B3GALT1: variants seen among roughly 807,000 people sequenced by gnomAD.
The protein encoded by B3GALT1 is UDP-Gal:betaGlcNAc beta 1,3-galactosyltransferase, polypeptide 1.
In B3GALT1, 10 loss-of-function variants were observed where a neutral mutation model predicts 23.2. The observed-to-expected ratio is 0.43, with a 90% CI of 0.27 to 0.73. The LOEUF (loss-of-function observed/expected upper bound fraction) is 0.73. Ranked by LOEUF, B3GALT1 falls within the 30% of genes least tolerant of loss-of-function variation. B3GALT1 has a pLI of 0.21. For missense variants in B3GALT1, 299 were observed against 405.4 expected (o/e 0.74, Z 2.25); for synonymous variants, 156 against 141.5 (o/e 1.10, Z -0.73).
chr2:167,375,790 G>C (rs1697753600), intron 1 of B3GALT1, among the ~76,000 whole-genome samples: 1 of 152,058 alleles, frequency 6.6e-6, no homozygotes, highest in Non-Finnish European at 1.5e-5. Context: ...AGCAAAGAGA[G>C]ATCAGTTGTC....
At chr2:167,656,992 A>G (rs1685966054) in intron 3 of B3GALT1, among the ~76,000 whole-genome samples, 1 of 152,152 alleles carries the variant, frequency 6.6e-6, no homozygotes, top group South Asian at 2.1e-4. Flanking sequence ...GAGAGAAATC[A>G]GGAAAGAGGC....
At chr2:167,399,106 A>G (rs1406005311) in intron 1 of B3GALT1, among the ~76,000 whole-genome samples, 1 of 152,170 alleles carries the variant, frequency 6.6e-6, no homozygotes, top group South Asian at 2.1e-4. Flanking sequence ...CATTTAATTG[A>G]GATGCCTTGG....
At chr2:167,423,021 T>C (rs1245573608) in intron 1 of B3GALT1, among the ~76,000 whole-genome samples, 1 of 152,154 alleles carries the variant, frequency 6.6e-6, no homozygotes, top group Non-Finnish European at 1.5e-5. Context: ...CAAAGGAATA[T>C]GAAAATTCCT....
chr2:167,405,789 G>C (rs1698264646), intron 1 of B3GALT1, among the ~76,000 whole-genome samples: 1 of 151,970 alleles, frequency 6.6e-6, no homozygotes. Flanking sequence ...GATTTAAATT[G>C]AATTTCCCCG....
At chr2:167,325,680 T>C (rs1468848475) in intron 1 of B3GALT1, among the ~76,000 whole-genome samples, 1 of 150,810 alleles carries the variant, frequency 6.6e-6, no homozygotes, top group Non-Finnish European at 1.5e-5. Flanking sequence ...TTTAGTTTTT[T>C]GAGAAATCTC....
chr2:167,486,357 C>CAAA (rs56092916), intron 1 of B3GALT1, among the ~76,000 whole-genome samples: 37 of 113,426 alleles, frequency 3.3e-4, no homozygotes, highest in South Asian at 1.6e-3. Context: ...GACTCTGTCT[C>CAAA]AAAAAAAAAA....
At chr2:167,560,306 C>T (rs550319216) in intron 2 of B3GALT1, among the ~76,000 whole-genome samples, 2 of 152,122 alleles carry the variant, frequency 1.3e-5, no homozygotes, top group South Asian at 2.1e-4. Context: ...CTAAAGGAAG[C>T]ACTAAACATG....
chr2:167,775,680 A>G (rs1688149827), intron 3 of B3GALT1, among the ~76,000 whole-genome samples: 2 of 133,526 alleles, frequency 1.5e-5, no homozygotes, highest in Non-Finnish European at 3.2e-5. Context: ...TTTTGAAAGT[A>G]TACACACACA....
chr2:167,727,881 A>G (rs1241855170), intron 3 of B3GALT1, among the ~76,000 whole-genome samples: 2 of 152,188 alleles, frequency 1.3e-5, no homozygotes, highest in Non-Finnish European at 2.9e-5. Flanking sequence ...ATGAAAGTTA[A>G]ACAGCTTGTC....
chr2:167,845,104 G>A (rs1689728919), intron 4 of B3GALT1, among the ~76,000 whole-genome samples: 1 of 152,088 alleles, frequency 6.6e-6, no homozygotes, highest in African/African-American at 2.4e-5. Context: ...CCCAAGGAGA[G>A]TCTGAGTTCA....
chr2:167,385,747 A>T (rs114447601), intron 1 of B3GALT1, among the ~76,000 whole-genome samples: 1,620 of 152,258 alleles, frequency 0.011, 28 homozygotes, highest in African/African-American at 0.036. Context: ...TTTCACCAAA[A>T]TTGCTGACTT....
At chr2:167,473,468 A>C (rs1020624848) in intron 1 of B3GALT1, among the ~76,000 whole-genome samples, 1 of 152,166 alleles carries the variant, frequency 6.6e-6, no homozygotes, top group Non-Finnish European at 1.5e-5. Context: ...GATACAAAAT[A>C]ATTAATGGTG....
Position 167,867,128 on chromosome 2 carries a change from G to A in B3GALT1, c.-229-1683G>A, listed in dbSNP as rs546460558. Among the ~76,000 whole-genome samples, 324 of 152,082 alleles carry A rather than the reference G, an allele frequency of 2.1e-3. 1 individual carries two copies. The highest frequency in any genetic ancestry group is 2.5e-3 in the Admixed American group (38 of 15,292). ...TTTTTAGTAGAGACGGGGTTTCACCGTTTTAGCCAGGATGGTCTCGATCTC... is the reference window on the plus strand; with the variant it reads ...TTTTTAGTAGAGACGGGGTTTCACCATTTTAGCCAGGATGGTCTCGATCTC... On this transcript the variant is annotated intron_variant, in intron 4 of 4. Coordinates refer to ENST00000392690, the MANE Select transcript of B3GALT1 (RefSeq NM_020981.4).
chr2:167,649,443 TTAAA>T (rs1685820897), intron 3 of B3GALT1, among the ~76,000 whole-genome samples: 1 of 152,114 alleles, frequency 6.6e-6, no homozygotes, highest in Non-Finnish European at 1.5e-5. Context: ...CCAGTATCCA[TTAAA>T]TAGTCTCTTT....
intron 3 of B3GALT1, among the ~76,000 whole-genome samples, chr2:167,808,248 CTT>C (rs941490378): frequency 7.9e-5 from 12 of 151,076 alleles, no homozygotes; most frequent in Admixed American, 2.6e-4. Flanking sequence ...GGTCTTGACT[CTT>C]TATCCAATTT....
chr2:167,537,174 G>C (rs1161502692), intron 2 of B3GALT1, among the ~76,000 whole-genome samples: 2 of 152,090 alleles, frequency 1.3e-5, no homozygotes, highest in Non-Finnish European at 2.9e-5. Context: ...GGTCTTACCT[G>C]ATGGCAGGCA....
At chr2:167,423,449 C>G (rs1043581933) in intron 1 of B3GALT1, among the ~76,000 whole-genome samples, 4 of 152,128 alleles carry the variant, frequency 2.6e-5, no homozygotes, top group African/African-American at 9.7e-5. Context: ...ACTCGCAATC[C>G]ACCAGGACCG....
At chr2:167,417,758 A>G (rs909142752) in intron 1 of B3GALT1, among the ~76,000 whole-genome samples, 2 of 152,184 alleles carry the variant, frequency 1.3e-5, no homozygotes, top group Non-Finnish European at 2.9e-5. Flanking sequence ...GTCACAGACT[A>G]TTATAATAAT....
intron 1 of B3GALT1, among the ~76,000 whole-genome samples, chr2:167,480,268 A>G (rs1699544161): frequency 6.6e-6 from 1 of 152,136 alleles, no homozygotes; most frequent in Non-Finnish European, 1.5e-5. Context: ...GAGAGGGATC[A>G]GTTTTAGGGA....
Sources: allele counts gnomAD v4.1 joint callset (sites outside exome capture counted in the v4.1 genomes callset), GRCh38; gene constraint gnomAD v4.1.1; transcripts MANE v1.5; gene names NCBI Gene and HGNC (gene_info 2026-07-23, HGNC 2026-07-21).